TSPAN14: variants seen among roughly 807,000 people sequenced by gnomAD.
TSPAN14 encodes the protein tetraspanin 14.
A neutral mutation model predicts 36.6 loss-of-function variants in TSPAN14; 16 were observed. The ratio of observed to expected loss-of-function variants is 0.44; its 90% CI spans 0.30 to 0.66. The LOEUF (loss-of-function observed/expected upper bound fraction) is 0.66. Among genes scored for constraint, TSPAN14 ranks in the 30% least tolerant of loss-of-function variants. The pLI, the probability that TSPAN14 is intolerant of heterozygous loss-of-function variation, is 0.12. For synonymous variants in TSPAN14, 139 were observed against 143.8 expected, an observed-to-expected ratio of 0.97 and a Z score of 0.24; for missense variants, 231 against 355.1, an observed-to-expected ratio of 0.65 and a Z score of 2.81.
chr10:80,481,448 CAT>C (rs1425657705), intron 1 of TSPAN14, among the ~76,000 whole-genome samples: 1 of 152,090 alleles, frequency 6.6e-6, no homozygotes. Flanking sequence ...GAAATGAAAT[CAT>C]GTGTTATGTT....
intron 3 of TSPAN14, among the ~76,000 whole-genome samples, chr10:80,507,001 G>A (rs932735186): frequency 1.3e-5 from 2 of 152,238 alleles, no homozygotes; most frequent in South Asian, 2.1e-4. Flanking sequence ...AACTTGTAGC[G>A]TAGGTGGAGG....
intron 1 of TSPAN14, among the ~76,000 whole-genome samples, chr10:80,486,655 C>T (rs1228487128): frequency 6.6e-6 from 1 of 152,180 alleles, no homozygotes; most frequent in African/African-American, 2.4e-5. Flanking sequence ...CCCTGGAGGG[C>T]ACAGCCTTCT....
exon 9 of TSPAN14, chr10:80,521,109 TG>T (rs1265711674): frequency 9.9e-6 from 3 of 302,872 alleles, no homozygotes; most frequent in Non-Finnish European, 6.4e-6. Flanking sequence ...GGAGATTCCA[TG>T]CAGAGGCCAC....
chr10:80,481,031 G>A (rs1847243418), intron 1 of TSPAN14, among the ~76,000 whole-genome samples: 1 of 152,140 alleles, frequency 6.6e-6, no homozygotes, highest in African/African-American at 2.4e-5. Context: ...CTGGAACCCG[G>A]AAGGCAGAGT....
chr10:80,521,932 G>T (rs1841288498), exon 9 of TSPAN14: 1 of 148,616 alleles, frequency 6.7e-6, no homozygotes, highest in Non-Finnish European at 1.5e-5. Context: ...AAAAAAAAAG[G>T]CCCGTTCATT....
Position 80,509,411 on chromosome 10 carries a change from C to T in TSPAN14, c.390C>T (p.Asn130=), listed in dbSNP as rs779598942. The T allele has an allele frequency of 6.2e-7, 1 of 1,614,208 alleles. No homozygotes were observed. Among genetic ancestry groups the T allele is most frequent in the Non-Finnish European group, 8.5e-7 (1 of 1,180,034 alleles). Residue 130 remains asparagine (N), a synonymous_variant, in exon 5 of 9, where the codon AAC becomes AAT. Coordinates refer to ENST00000429989, the Ensembl canonical transcript of TSPAN14. The surrounding 1 kb of genome is among the most constrained non-coding windows in gnomAD (Gnocchi z 4.7). ...GGTTCCGGGAGTTCTTCGAGAGCAA[C>T]ATCAAGTCCTACCGGGACGATATCG...
intron 1 of TSPAN14, among the ~76,000 whole-genome samples, chr10:80,473,599 CT>C (rs1183506256): frequency 6.6e-6 from 1 of 151,976 alleles, no homozygotes; most frequent in African/African-American, 2.4e-5. Context: ...TCCAGCCCCC[CT>C]GACGTTGTGC....
chr10:80,509,337 C>G lies in TSPAN14; in HGVS notation c.316C>G (p.Leu106Val), dbSNP rs768568658. The stretch of plus-strand genomic sequence containing the variant: ...CATCGTGCTCATCTTCTTCCTGGAG[C>G]TGGCTGTGGCCGTGCTGGCCTTCCT... Residue 106 changes from leucine (L) to valine (V), a missense_variant, in exon 5 of 9, where the codon CTG becomes GTG. Coordinates refer to ENST00000429989, the Ensembl canonical transcript of TSPAN14. The surrounding 1 kb of genome is among the most constrained non-coding windows in gnomAD (Gnocchi z 4.7). 2.5e-6 allele frequency: 4 copies of G among 1,614,144 alleles called. No individual in the cohort carries two copies. Among genetic ancestry groups the G allele is most frequent in the Non-Finnish European group, 3.4e-6 (4 of 1,180,014 alleles).
chr10:80,472,947 G>A (rs889815231), intron 1 of TSPAN14, among the ~76,000 whole-genome samples: 2 of 152,106 alleles, frequency 1.3e-5, no homozygotes, highest in African/African-American at 4.8e-5. Flanking sequence ...CAGCTCCTGA[G>A]CCGTTCTGCT....
intron 1 of TSPAN14, among the ~76,000 whole-genome samples, chr10:80,475,252 A>T (rs1250124629): frequency 6.6e-6 from 1 of 152,244 alleles, no homozygotes. Context: ...AATAGGACAG[A>T]TAATGAGCTT....
exon 2 of TSPAN14, chr10:80,489,293 C>G: frequency 6.3e-7 from 1 of 1,577,324 alleles, no homozygotes; most frequent in Non-Finnish European, 8.6e-7. Flanking sequence ...ACCTCCTTTT[C>G]AGCTACAACA....
chr10:80,461,892 C>T (rs1371980493), intron 1 of TSPAN14, among the ~76,000 whole-genome samples: 2 of 150,430 alleles, frequency 1.3e-5, no homozygotes, highest in Non-Finnish European at 3.0e-5. Flanking sequence ...ATGGTTCTCA[C>T]TGTTGTGAGA....
chr10:80,487,467 G>A (rs1847673559), intron 1 of TSPAN14, among the ~76,000 whole-genome samples: 1 of 152,168 alleles, frequency 6.6e-6, no homozygotes, highest in Non-Finnish European at 1.5e-5. Flanking sequence ...CAGTGACATT[G>A]GAGCAGGTCA....
exon 9 of TSPAN14, chr10:80,517,946 C>T (rs1317424834): frequency 1.3e-5 from 20 of 1,566,464 alleles, no homozygotes; most frequent in South Asian, 3.5e-5. Flanking sequence ...TCTCAGACAT[C>T]GAGGCAGTGA....
At chr10:80,476,508 C>T (rs1040084582) in intron 1 of TSPAN14, among the ~76,000 whole-genome samples, 16 of 147,390 alleles carry the variant, frequency 1.1e-4, no homozygotes, top group South Asian at 4.4e-4. Flanking sequence ...CTCCGCCTCC[C>T]GGGTTCACGC....
intron 5 of TSPAN14, among the ~76,000 whole-genome samples, chr10:80,511,683 T>G (rs1374180464): frequency 6.6e-6 from 1 of 150,914 alleles, no homozygotes; most frequent in Non-Finnish European, 1.5e-5. Context: ...TTTGTTATTA[T>G]TTTCTTTAAC....
exon 9 of TSPAN14, chr10:80,518,177 T>C: frequency 1.6e-6 from 1 of 606,788 alleles, no homozygotes; most frequent in Non-Finnish European, 2.9e-6. Context: ...CCCAAACTTG[T>C]GACTGCATCC....
chr10:80,511,711 C>CCTCTCTCTCTCTCT (rs56307745), intron 5 of TSPAN14, among the ~76,000 whole-genome samples: 1 of 25,810 alleles, frequency 3.9e-5, no homozygotes, highest in Non-Finnish European at 7.3e-5. Flanking sequence ...AAGGGCAGGT[C>CCTCTCTCTCTCTCT]CTCTCTCTCT....
At chr10:80,512,294 A>G (rs1379364855) in intron 6 of TSPAN14, 25 bp downstream of exon 6, 1 of 1,612,374 alleles carries the variant, frequency 6.2e-7, no homozygotes. Flanking sequence ...GCTGGGGCAC[A>G]GGGAGCCCGC....
Sources: allele counts gnomAD v4.1 joint callset (sites outside exome capture counted in the v4.1 genomes callset), GRCh38; gene constraint gnomAD v4.1.1; non-coding constraint Gnocchi (gnomAD v3.1); transcripts MANE v1.5; gene names NCBI Gene and HGNC (gene_info 2026-07-23, HGNC 2026-07-21).